APOBEC3G: variants seen among roughly 807,000 people sequenced by gnomAD.
APOBEC3G encodes DNA dC->dU-editing enzyme APOBEC-3G.
Under a neutral mutation model 50.0 loss-of-function variants are expected in APOBEC3G, and 44 were observed. The ratio of observed to expected loss-of-function variants is 0.88; its 90% CI spans 0.69 to 1.13. The LOEUF (loss-of-function observed/expected upper bound fraction) is 1.13. Ranked by LOEUF, APOBEC3G falls within the 50% of genes most tolerant of loss-of-function variation. The probability of loss-of-function intolerance (pLI) is 0.00; values close to 1 mark genes in which losing one functional copy is unlikely to be tolerated. For missense variants in APOBEC3G, 469 were observed against 492.0 expected (o/e 0.95, Z 0.44); for synonymous variants, 156 against 175.3 (o/e 0.89, Z 0.87).
At chr22:39,080,697 C>T in intron 2 of APOBEC3G, 1 of 537,226 alleles carries the variant, frequency 1.9e-6, no homozygotes. Context: ...GGTGCAGTTC[C>T]CACAGCCTCA....
intron 2 of APOBEC3G, 55 bp downstream of exon 2, chr22:39,079,140 C>G: frequency 6.3e-7 from 1 of 1,593,230 alleles, no homozygotes; most frequent in Non-Finnish European, 8.5e-7. Context: ...GCTGGGAAAG[C>G]AAACCACGCA....
chr22:39,077,291 A>C lies in APOBEC3G; in HGVS notation c.-71A>C. The C allele has an allele frequency of 6.4e-7, 1 of 1,552,316 alleles. No homozygotes were observed. The highest frequency in any genetic ancestry group is 1.4e-5 in the African/African-American group (1 of 73,274). The stretch of plus-strand genomic sequence containing the variant: ...CTTTAGGGAGGGCTGTCCTAAAACC[A>C]GAAGCTTGGAGCAGAAAGTGAAACC... On this transcript the variant is annotated 5_prime_UTR_variant, in exon 1 of 8. Coordinates refer to ENST00000407997, the MANE Select transcript of APOBEC3G (RefSeq NM_021822.4).
intron 2 of APOBEC3G, 167 bp from the exon 3 acceptor site, chr22:39,080,766 G>A (rs1181819467): frequency 3.0e-6 from 2 of 656,734 alleles, no homozygotes; most frequent in South Asian, 2.0e-5. Flanking sequence ...TACTGAACAT[G>A]AGCTTTGGAG....
In APOBEC3G at chr22:39,087,149, C is replaced by T. The variant is rs763628310; in HGVS notation, c.1140+23C>T. 16 of 1,613,830 alleles carry T rather than the reference C, an allele frequency of 9.9e-6. No individual in the cohort carries two copies. In the East Asian group the frequency reaches 3.1e-4, roughly 31 times the overall value. Reference sequence around the variant, plus strand: ...CAGGTGAGGGCTTCTTCCCTCTGCCCAGTGCCCCATCGGCCTCCCCCTCCT... The same window carrying T: ...CAGGTGAGGGCTTCTTCCCTCTGCCTAGTGCCCCATCGGCCTCCCCCTCCT... On this transcript the variant is annotated intron_variant, in intron 7 of 7. Transcript: ENST00000407997.
intron 4 of APOBEC3G, chr22:39,081,945 G>T: frequency 5.0e-6 from 1 of 199,480 alleles, no homozygotes; most frequent in Non-Finnish European, 1.0e-5. Flanking sequence ...ATAGTCACAA[G>T]CCCGGCAGTC....
At chr22:39,078,720 C>CT (rs999308077) in intron 1 of APOBEC3G, 806 of 561,510 alleles carry the variant, frequency 1.4e-3, no homozygotes, top group Middle Eastern at 2.5e-3. Context: ...CTCTCTCTCT[C>CT]TTTTTTTTTG....
At chr22:39,085,447 C>G (rs1285932740) in intron 5 of APOBEC3G, among the ~76,000 whole-genome samples, 1 of 152,222 alleles carries the variant, frequency 6.6e-6, no homozygotes, top group Non-Finnish European at 1.5e-5. Context: ...CCTCCCTCCC[C>G]CAGCTCTACA....
chr22:39,081,745 A>T, intron 4 of APOBEC3G, 160 bp downstream of exon 4: 1 of 598,844 alleles, frequency 1.7e-6, no homozygotes, highest in Non-Finnish European at 2.9e-6. Flanking sequence ...CCTCACCCAC[A>T]CTCCTCGTGC....
At chr22:39,084,788 A>C (rs556020488) in intron 5 of APOBEC3G, among the ~76,000 whole-genome samples, 1 of 152,342 alleles carries the variant, frequency 6.6e-6, no homozygotes, top group Non-Finnish European at 1.5e-5. Flanking sequence ...GGATGCAGGG[A>C]TGGCCAGCAT....
chr22:39,086,659 G>T, intron 6 of APOBEC3G, 92 bp downstream of exon 6: 1 of 1,483,706 alleles, frequency 6.7e-7, no homozygotes, highest in Non-Finnish European at 9.1e-7. Flanking sequence ...CGGCATCCCT[G>T]TGGGAAAGGC....
chr22:39,083,673 G>C, intron 4 of APOBEC3G, 58 bp from the exon 5 acceptor site: 2 of 1,573,842 alleles, frequency 1.3e-6, no homozygotes, highest in Admixed American at 3.4e-5. Context: ...AGAGGGAGGG[G>C]GAGGTGGGAC....
intron 4 of APOBEC3G, 154 bp downstream of exon 4, chr22:39,081,739 A>G (rs1928471419): frequency 1.6e-6 from 1 of 618,616 alleles, no homozygotes; most frequent in Admixed American, 2.9e-5. Flanking sequence ...ACACTCCCTC[A>G]CCCACACTCC....
intron 2 of APOBEC3G, chr22:39,080,146 C>A (rs549698931): frequency 1.5e-5 from 7 of 469,456 alleles, no homozygotes; most frequent in East Asian, 1.5e-4. Context: ...TGTCACCCCC[C>A]CCGACATGGA....
upstream of APOBEC3G, chr22:39,077,273 G>T (rs1928193247): frequency 6.4e-7 from 1 of 1,550,708 alleles, no homozygotes. Context: ...TCACTTTAGG[G>T]AGGGCTGTCC....
chr22:39,077,446 G>A (rs374871440), intron 1 of APOBEC3G, 68 bp downstream of exon 1: 24 of 1,555,856 alleles, frequency 1.5e-5, no homozygotes, highest in South Asian at 9.5e-5. Flanking sequence ...TCTGCTGGGC[G>A]TCAGCCCTGG....
Position 39,086,277 on chromosome 22 carries a change from A to G in APOBEC3G, c.736-2A>G. On this transcript the variant is annotated splice_acceptor_variant, in intron 5 of 7. Coordinates refer to ENST00000407997, the MANE Select transcript of APOBEC3G (RefSeq NM_021822.4). LOFTEE classifies it high-confidence loss of function. The stretch of plus-strand genomic sequence containing the variant: ...TACCTCATGGCTTGCTTTCTTTTCT[A>G]GGCTCCACATAAACACGGTTTCCTT... 1 of 1,559,580 alleles carries G rather than the reference A, an allele frequency of 6.4e-7. No individual in the cohort carries two copies. The highest frequency in any genetic ancestry group is 2.0e-5 in the Admixed American group (1 of 49,088).
In APOBEC3G at chr22:39,087,075, A is replaced by G. The variant is rs1173045580; in HGVS notation, c.1089A>G (p.Gly363=). ...HQGCPFQPWD[G]LDEHSQDLSG... is the part of the protein sequence containing the mutation. ...GATGTCCCTTCCAGCCCTGGGATGGACTAGATGAGCACAGCCAAGACCTGA... is the reference window on the plus strand; with the variant it reads ...GATGTCCCTTCCAGCCCTGGGATGGGCTAGATGAGCACAGCCAAGACCTGA... Residue 363 remains glycine, a synonymous_variant, in exon 7 of 8, where the codon GGA becomes GGG. Coordinates refer to ENST00000407997, the MANE Select transcript of APOBEC3G (RefSeq NM_021822.4). The G allele has an allele frequency of 6.2e-7, 1 of 1,613,612 alleles. No homozygotes were observed. The highest frequency in any genetic ancestry group is 8.5e-7 in the Non-Finnish European group (1 of 1,179,974).
At position 39,081,131 on chromosome 22, in the gene APOBEC3G, T is replaced by C. The variant is rs756320203; in HGVS notation, c.370T>C (p.Tyr124His). 1 of 1,614,238 alleles carries C rather than the reference T, an allele frequency of 6.2e-7. No individual in the cohort carries two copies. Among genetic ancestry groups the C allele is most frequent in the East Asian group, 2.2e-5 (1 of 44,890 alleles). Residue 124 changes from tyrosine (Y) to histidine (H), a missense_variant, in exon 3 of 8, where the codon TAC (tyrosine) becomes CAC (histidine). Transcript: ENST00000407997. ...VTLTIFVARL[Y>H]YFWDPDYQEA... is the part of the protein sequence containing the mutation. ...CCTGACCATCTTTGTTGCCCGCCTC[T>C]ACTACTTCTGGGACCCAGATTACCA...
At chr22:39,087,239 A>G (rs1326883016) in intron 7 of APOBEC3G, 113 bp downstream of exon 7, 2 of 1,593,636 alleles carry the variant, frequency 1.3e-6, no homozygotes, top group African/African-American at 2.8e-5. Context: ...CTGCTCCCCC[A>G]GGGCACCTGT....
Sources: allele counts gnomAD v4.1 joint callset (sites outside exome capture counted in the v4.1 genomes callset), GRCh38; gene constraint gnomAD v4.1.1; transcripts MANE v1.5; gene names NCBI Gene and HGNC (gene_info 2026-07-23, HGNC 2026-07-21).